The following ELAPOR1 variants were observed in gnomAD, a reference collection of about 807,000 sequenced individuals.
ELAPOR1 encodes endosome/lysosome-associated apoptosis and autophagy regulator 1.
A neutral mutation model predicts 119.7 loss-of-function variants in ELAPOR1; 77 were observed. The ratio of observed to expected loss-of-function variants is 0.64; its 90% confidence interval spans 0.54 to 0.78. The LOEUF (loss-of-function observed/expected upper bound fraction) is 0.78. ELAPOR1 is among the 30% of genes least tolerant of loss of function. The probability of loss-of-function intolerance (pLI) is 0.00; values close to 1 mark genes in which losing one functional copy is unlikely to be tolerated. For synonymous variants in ELAPOR1, 481 were observed against 487.2 expected, an observed-to-expected ratio of 0.99 and a Z score of 0.17; for missense variants, 1,115 against 1,270.4, an observed-to-expected ratio of 0.88 and a Z score of 1.86.
At chr1:109,145,778 G>A (rs149325010) in intron 1 of ELAPOR1, among the ~76,000 whole-genome samples, 11,376 of 152,278 alleles carry the variant, frequency 0.075, 482 homozygotes, top group Non-Finnish European at 0.09. Context: ...AGCATAGAGA[G>A]AGATGGAACT....
At position 109,188,287 on chromosome 1, in the gene ELAPOR1, A is replaced by G; in HGVS notation, c.1152A>G (p.Pro384=). The change falls in exon 9 of 22, where the codon CCA becomes CCG. Residue 384 remains proline (P), a synonymous_variant. Transcript: ENST00000369939. Reference sequence around the variant, plus strand: ...AGACCCACTGCCCACCCTGCAACCCAGGCTTCTTCAAAACCAACAACAGCA... The same window carrying G: ...AGACCCACTGCCCACCCTGCAACCCGGGCTTCTTCAAAACCAACAACAGCA... ...GVKTHCPPCN[P]GFFKTNNSTC... The G allele has an allele frequency of 6.2e-7, 1 of 1,614,180 alleles. No individual in the cohort carries two copies. Among genetic ancestry groups the G allele is most frequent in the Non-Finnish European group, 8.5e-7 (1 of 1,180,018 alleles).
intron 1 of ELAPOR1, among the ~76,000 whole-genome samples, chr1:109,160,305 TA>T (rs796974154): frequency 2.3e-3 from 289 of 127,582 alleles, no homozygotes; most frequent in Admixed American, 3.0e-3. Flanking sequence ...AGAGACTGTC[TA>T]AAAAAAAAAA....
chr1:109,121,372 CTT>C (rs1648403576), intron 1 of ELAPOR1, among the ~76,000 whole-genome samples: 1 of 152,214 alleles, frequency 6.6e-6, no homozygotes, highest in East Asian at 1.9e-4. Context: ...GTCTCGAACT[CTT>C]GACCTCGGGT....
rs770452276 is a variant in ELAPOR1, at chr1:109,173,660, G to A, written c.803-28G>A. On this transcript the variant is annotated intron_variant, in intron 6 of 21. Coordinates refer to ENST00000369939, the MANE Select transcript of ELAPOR1 (RefSeq NM_020775.5). ...GACTCAGTCTCCAGGCTGAATCCTT[G>A]CTTTTCTGTGCTCTTCCTCCTCCCT... The A allele has an allele frequency of 1.9e-6, 3 of 1,613,502 alleles. No homozygotes were observed. In the East Asian group the frequency reaches 6.7e-5, roughly 36 times the overall value.
At chr1:109,179,300 G>T (rs1163446286) in intron 7 of ELAPOR1, among the ~76,000 whole-genome samples, 1 of 151,672 alleles carries the variant, frequency 6.6e-6, no homozygotes, top group African/African-American at 2.4e-5. Context: ...TACTCGGGAG[G>T]CTGAGGCAGG....
intron 7 of ELAPOR1, among the ~76,000 whole-genome samples, chr1:109,183,763 T>C (rs941188362): frequency 6.6e-6 from 1 of 152,014 alleles, no homozygotes; most frequent in Non-Finnish European, 1.5e-5. Flanking sequence ...ACTATAGGCC[T>C]GCACCACCAC....
In ELAPOR1 at chr1:109,200,047, T is replaced by C. The variant is rs746356308; in HGVS notation, c.2629-12T>C. 2 of 1,613,062 alleles carry C rather than the reference T, an allele frequency of 1.2e-6. No individual in the cohort carries two copies. The highest frequency in any genetic ancestry group is 8.5e-7 in the Non-Finnish European group (1 of 1,179,104). On this transcript the variant is annotated splice_polypyrimidine_tract_variant and intron_variant, in intron 19 of 21. Transcript: ENST00000369939. ...ATGGGAGATCTGAGTTCCTTGTTTT[T>C]CTCCCCAACAGAAGACTACTTACGT...
Position 109,197,533 on chromosome 1 carries a change from G to A in ELAPOR1, c.2181G>A (p.Glu727=), listed in dbSNP as rs1653887499. The A allele has an allele frequency of 1.2e-6, 2 of 1,614,078 alleles. No homozygotes were observed. The highest frequency in any genetic ancestry group is 2.7e-5 in the African/African-American group (2 of 74,942). ...CTGACCTCCGGATTCCTGAGGGTGA[G>A]TCAGGGTTCTCCAAATCTATCACAG... ...NVTDLRIPEG[E]SGFSKSITAY... is the part of the protein sequence containing the mutation. Residue 727 remains glutamate, a synonymous_variant, in exon 16 of 22, where the codon GAG becomes GAA. Transcript: ENST00000369939.
At chr1:109,123,620 GT>G (rs1648586343) in intron 1 of ELAPOR1, among the ~76,000 whole-genome samples, 1 of 152,050 alleles carries the variant, frequency 6.6e-6, no homozygotes, top group South Asian at 2.1e-4. Flanking sequence ...TAATCTTATT[GT>G]TTTTGCAACA....
chr1:109,187,846 G>A (rs1169190802), intron 8 of ELAPOR1: 1 of 1,029,582 alleles, frequency 9.7e-7, no homozygotes, highest in Non-Finnish European at 1.2e-6. Flanking sequence ...CTTTTCCTGT[G>A]ACCTTGGTAG....
intron 1 of ELAPOR1, among the ~76,000 whole-genome samples, chr1:109,115,060 G>A (rs925985015): frequency 1.3e-5 from 2 of 152,124 alleles, no homozygotes; most frequent in African/African-American, 4.8e-5. Context: ...CTTTTTCAAG[G>A]TATTTCCAAT....
chr1:109,114,461 G>T, intron 1 of ELAPOR1, 125 bp downstream of exon 1: 2 of 1,185,264 alleles, frequency 1.7e-6, no homozygotes. Flanking sequence ...TGGGGATGAG[G>T]CGTGGGGGGA....
intron 1 of ELAPOR1, among the ~76,000 whole-genome samples, chr1:109,137,519 ATTTAT>A (rs537238997): frequency 7.4e-6 from 1 of 135,550 alleles, no homozygotes. Flanking sequence ...TTATTTATTT[ATTTAT>A]TTTATTTTAT....
chr1:109,139,899 G>A (rs1427131641), intron 1 of ELAPOR1, among the ~76,000 whole-genome samples: 1 of 152,000 alleles, frequency 6.6e-6, no homozygotes. Context: ...ACCCTCCCAA[G>A]TAGCTGGGAC....
chr1:109,188,937 C>A, intron 9 of ELAPOR1, 129 bp from the exon 10 acceptor site: 1 of 982,926 alleles, frequency 1.0e-6, no homozygotes, highest in Non-Finnish European at 1.5e-6. Flanking sequence ...CAACTTCCTG[C>A]AGCAGTACTC....
rs1031637056 is a variant in ELAPOR1 at position 109,201,392 on chromosome 1, T to C, written c.2973+492T>C. Reference sequence around the variant, plus strand: ...TGTTCCCCACTGAGCAATTCTGAGCTGGGAGGGCTGGCTTTGTGTGGGTGG... The same window carrying C: ...TGTTCCCCACTGAGCAATTCTGAGCCGGGAGGGCTGGCTTTGTGTGGGTGG... On this transcript the variant is annotated intron_variant, in intron 21 of 21. Coordinates refer to ENST00000369939, the MANE Select transcript of ELAPOR1 (RefSeq NM_020775.5). The C allele has an allele frequency of 9.0e-5, 41 of 455,806 alleles. No homozygotes were observed. In the Admixed American group the frequency reaches 9.6e-4, roughly 11 times the overall value. 28.2% of individuals were successfully genotyped at this position (455,806 alleles called of 1,614,324 possible).
At chr1:109,182,050 G>A (rs2101085118) in intron 7 of ELAPOR1, among the ~76,000 whole-genome samples, 1 of 152,232 alleles carries the variant, frequency 6.6e-6, no homozygotes. Context: ...AATAATTCCC[G>A]GCTGGGCATG....
intron 1 of ELAPOR1, among the ~76,000 whole-genome samples, chr1:109,157,789 C>G (rs1650975115): frequency 1.3e-5 from 2 of 152,214 alleles, no homozygotes; most frequent in African/African-American, 4.8e-5. Context: ...CTGTCATCAG[C>G]TAACCAGCTT....
intron 1 of ELAPOR1, among the ~76,000 whole-genome samples, chr1:109,122,195 G>C (rs964884830): frequency 6.6e-6 from 1 of 150,662 alleles, no homozygotes; most frequent in African/African-American, 2.4e-5. Flanking sequence ...TCATCCTCCC[G>C]AATAGCTGGG....
Sources: gnomAD v4.1 joint callset for allele counts (sites outside exome capture counted in the v4.1 genomes callset) on GRCh38, gnomAD v4.1.1 for gene constraint, MANE v1.5 for transcripts, NCBI Gene and HGNC (gene_info 2026-07-23, HGNC 2026-07-21) for gene names.